Variants in PITPNC1 observed in about 807,000 individuals in gnomAD.
The protein encoded by PITPNC1 is phosphatidylinositol transfer protein cytoplasmic 1.
A neutral mutation model predicts 44.7 loss-of-function variants in PITPNC1; 18 were observed. The ratio of observed to expected loss-of-function variants is 0.40; its 90% CI spans 0.28 to 0.60. PITPNC1 has a LOEUF of 0.60. Ranked by LOEUF, PITPNC1 falls within the 20% of genes least tolerant of loss-of-function variation. PITPNC1 has a pLI of 0.39. For missense variants in PITPNC1, 290 were observed against 418.4 expected (o/e 0.69, Z 2.68); for synonymous variants, 141 against 149.6 (o/e 0.94, Z 0.42).
intron 1 of PITPNC1, among the ~76,000 whole-genome samples, chr17:67,400,559 T>A (rs1273666053): frequency 6.6e-6 from 1 of 152,180 alleles, no homozygotes; most frequent in Non-Finnish European, 1.5e-5. Context: ...TATAGACTTT[T>A]TTCCTCTTTC....
At chr17:67,613,189 A>G (rs559286152) in intron 5 of PITPNC1, 1 of 152,194 alleles carries the variant, frequency 6.6e-6, no homozygotes. Flanking sequence ...AAGAGCGATC[A>G]AAAAAAGAAA....
At chr17:67,631,554 A>G (rs987481158) in intron 5 of PITPNC1, among the ~76,000 whole-genome samples, 2 of 125,438 alleles carry the variant, frequency 1.6e-5, no homozygotes, top group South Asian at 2.8e-4. Context: ...GCATGAACCC[A>G]AGAGGCGGAG....
At chr17:67,591,792 C>G (rs770671060) in intron 5 of PITPNC1, among the ~76,000 whole-genome samples, 1 of 152,092 alleles carries the variant, frequency 6.6e-6, no homozygotes, top group Non-Finnish European at 1.5e-5. Context: ...GTACTGCAGC[C>G]TCAACCTCCT....
At chr17:67,686,938 A>G in intron 8 of PITPNC1, 1 of 631,048 alleles carries the variant, frequency 1.6e-6, no homozygotes, top group East Asian at 2.7e-5. Context: ...TACTCATCAT[A>G]AAGTTAGACA....
chr17:67,663,696 T>C (rs976963935), intron 6 of PITPNC1, among the ~76,000 whole-genome samples: 1 of 152,182 alleles, frequency 6.6e-6, no homozygotes, highest in Non-Finnish European at 1.5e-5. Context: ...ACTCATTTTA[T>C]AGTCACTTTT....
intron 6 of PITPNC1, among the ~76,000 whole-genome samples, chr17:67,660,953 G>C (rs2042337331): frequency 6.6e-6 from 1 of 151,440 alleles, no homozygotes; most frequent in African/African-American, 2.4e-5. Flanking sequence ...CCACCTCCCA[G>C]GTTCAAGCAA....
chr17:67,444,898 A>G (rs1332135811), intron 1 of PITPNC1, among the ~76,000 whole-genome samples: 12 of 151,884 alleles, frequency 7.9e-5, no homozygotes, highest in Non-Finnish European at 1.5e-4. Context: ...CTCGGTCTCA[A>G]AAAAAAAGAA....
chr17:67,379,125 G>A (rs1320045777), intron 1 of PITPNC1: 2 of 985,970 alleles, frequency 2.0e-6, no homozygotes, highest in African/African-American at 1.7e-5. Context: ...ACTGCTGAGC[G>A]TCTCTGTCCA....
At chr17:67,379,376 C>G in intron 1 of PITPNC1, 1 of 985,364 alleles carries the variant, frequency 1.0e-6, no homozygotes, top group Non-Finnish European at 1.2e-6. Flanking sequence ...TATTTGCCAT[C>G]TGGACCAAGG....
intron 1 of PITPNC1, among the ~76,000 whole-genome samples, chr17:67,452,516 G>GT (rs576299890): frequency 0.32 from 44,723 of 139,742 alleles, 7,741 homozygotes; most frequent in African/African-American, 0.46. Flanking sequence ...AATTGCTGGG[G>GT]TTTTTTTTTT....
intron 1 of PITPNC1, among the ~76,000 whole-genome samples, chr17:67,528,111 G>A (rs1010590594): frequency 1.3e-5 from 2 of 152,088 alleles, no homozygotes; most frequent in Non-Finnish European, 2.9e-5. Context: ...GCGTGATGTC[G>A]GCTCACTGCA....
At chr17:67,435,702 A>G (rs1421579471) in intron 1 of PITPNC1, among the ~76,000 whole-genome samples, 5 of 152,122 alleles carry the variant, frequency 3.3e-5, no homozygotes, top group Non-Finnish European at 7.4e-5. Context: ...AAATACCAAA[A>G]TTAGGCAGGT....
In PITPNC1 at chr17:67,580,907, C is replaced by T. The variant is rs138889963; in HGVS notation, c.366+2650C>T. The stretch of plus-strand genomic sequence containing the variant: ...CTGCAAAATTAAAAAATTAGCCAGG[C>T]GTGGTGGCACACACACCTGTGGTTG... On this transcript the variant is annotated intron_variant, in intron 5 of 8. Coordinates refer to ENST00000581322, the MANE Select transcript of PITPNC1 (RefSeq NM_012417.4). Among the ~76,000 whole-genome samples, 179 of 152,212 alleles carry T rather than the reference C, an allele frequency of 1.2e-3. 1 individual carries two copies. Among genetic ancestry groups the T allele is most frequent in the African/African-American group, 3.9e-3 (163 of 41,520 alleles).
intron 1 of PITPNC1, among the ~76,000 whole-genome samples, chr17:67,417,241 C>T (rs1296998199): frequency 1.3e-5 from 2 of 152,142 alleles, no homozygotes; most frequent in South Asian, 2.1e-4. Context: ...GAGTGATCCT[C>T]CTGCCTCAGC....
At chr17:67,477,135 G>A (rs886488597) in intron 1 of PITPNC1, among the ~76,000 whole-genome samples, 6 of 152,056 alleles carry the variant, frequency 3.9e-5, no homozygotes, top group Non-Finnish European at 7.4e-5. Flanking sequence ...GAGTGCAATG[G>A]CATGATCGCA....
chr17:67,489,548 G>T (rs982884545), intron 1 of PITPNC1, among the ~76,000 whole-genome samples: 1 of 152,076 alleles, frequency 6.6e-6, no homozygotes, highest in Non-Finnish European at 1.5e-5. Context: ...TTGATGTCCA[G>T]ACCCCGCCTC....
rs773797594 is a variant in PITPNC1, at chr17:67,522,659, C to CTTTTTTTTTTTTTTTTTTTTTTTTTTTT, written c.49-10129_49-10128insTTTTTTTTTTTTTTTTTTTTTTTTTTTT. 9.0e-4 allele frequency among the ~76,000 whole-genome samples: 105 copies of CTTTTTTTTTTTTTTTTTTTTTTTTTTTT among 117,206 alleles called. 20 individuals are homozygous for CTTTTTTTTTTTTTTTTTTTTTTTTTTTT. Among genetic ancestry groups the CTTTTTTTTTTTTTTTTTTTTTTTTTTTT allele is most frequent in the African/African-American group, 4.1e-3 (94 of 22,816 alleles). The allele number at this position is 117,206 out of a possible 152,430, so 76.9% of individuals were successfully genotyped here. On this transcript the variant is annotated intron_variant, in intron 1 of 8. Transcript: ENST00000581322. Reference sequence around the variant, plus strand: ...ATATCATAAAATTTACCATTTTAATCTTTTTTTTTTTTTTGGAAAATGAGG... The same window carrying CTTTTTTTTTTTTTTTTTTTTTTTTTTTT: ...ATATCATAAAATTTACCATTTTAATCTTTTTTTTTTTTTTTTTTTTTTTTTTTTTTTTTTTTTTTTTTGGAAAATGAGG...
chr17:67,438,857 C>T (rs188871047), intron 1 of PITPNC1, among the ~76,000 whole-genome samples: 13 of 152,298 alleles, frequency 8.5e-5, no homozygotes, highest in Non-Finnish European at 1.6e-4. Context: ...AACTCCAGGC[C>T]ATGCGCATTT....
chr17:67,568,494 G>C (rs2041010784), intron 4 of PITPNC1, among the ~76,000 whole-genome samples: 1 of 151,992 alleles, frequency 6.6e-6, no homozygotes, highest in Non-Finnish European at 1.5e-5. Context: ...TGAATTATAT[G>C]GTATGTGAAT....
Sources: allele counts gnomAD v4.1 joint callset (sites outside exome capture counted in the v4.1 genomes callset), GRCh38; gene constraint gnomAD v4.1.1; transcripts MANE v1.5; gene names NCBI Gene and HGNC (gene_info 2026-07-23, HGNC 2026-07-21).